Variants in ZEB1 observed in about 807,000 individuals in gnomAD.
The protein encoded by ZEB1 is zinc finger E-box binding homeobox 1, also known as zinc finger E-box-binding homeobox 1.
A neutral mutation model predicts 84.9 loss-of-function variants in ZEB1; 21 were observed. The observed-to-expected ratio is 0.25, with a 90% CI of 0.18 to 0.36. The LOEUF is 0.36. Among genes scored for constraint, ZEB1 ranks in the 10% least tolerant of loss-of-function variants. The probability of loss-of-function intolerance (pLI) is 1.00; values close to 1 mark genes in which losing one functional copy is unlikely to be tolerated. For missense variants in ZEB1, 1,104 were observed against 1,330.2 expected (o/e 0.83, Z 2.65); for synonymous variants, 420 against 471.1 (o/e 0.89, Z 1.41).
chr10:31,411,999 T>TA (rs1184991437), intron 1 of ZEB1, among the ~76,000 whole-genome samples: 1 of 152,190 alleles, frequency 6.6e-6, no homozygotes, highest in Non-Finnish European at 1.5e-5. Context: ...CAGAATTCAT[T>TA]ATGTTTAAAC....
chr10:31,476,081 G>C (rs2138227995), intron 2 of ZEB1, among the ~76,000 whole-genome samples: 1 of 152,028 alleles, frequency 6.6e-6, no homozygotes, highest in African/African-American at 2.4e-5. Flanking sequence ...TCAAAGTAAA[G>C]GGACTAGCAG....
At chr10:31,338,170 AT>A (rs1275425602) in intron 1 of ZEB1, among the ~76,000 whole-genome samples, 1 of 151,810 alleles carries the variant, frequency 6.6e-6, no homozygotes, top group Non-Finnish European at 1.5e-5. Context: ...ACCTTATTAT[AT>A]TTTTTTCTAA....
chr10:31,481,734 A>G (rs1315400489), intron 2 of ZEB1, among the ~76,000 whole-genome samples: 3 of 152,016 alleles, frequency 2.0e-5, no homozygotes, highest in Admixed American at 6.6e-5. Context: ...GGAGTTCCCA[A>G]TAGCCAATTC....
At chr10:31,478,881 C>T (rs1439862997) in intron 2 of ZEB1, among the ~76,000 whole-genome samples, 1 of 151,596 alleles carries the variant, frequency 6.6e-6, no homozygotes, top group Non-Finnish European at 1.5e-5. Context: ...AAGGGGAATT[C>T]GGATTTTTAT....
intron 5 of ZEB1, among the ~76,000 whole-genome samples, chr10:31,513,922 G>A (rs958031756): frequency 6.6e-6 from 1 of 152,076 alleles, no homozygotes; most frequent in Non-Finnish European, 1.5e-5. Context: ...AAGTTTATGA[G>A]GAGGAGTTGA....
intron 1 of ZEB1, among the ~76,000 whole-genome samples, chr10:31,458,060 C>G (rs980630282): frequency 6.6e-6 from 1 of 152,102 alleles, no homozygotes; most frequent in Non-Finnish European, 1.5e-5. Context: ...TGTCAGCTAT[C>G]TAGGCATGCA....
chr10:31,523,638 T>A (rs919622699), intron 7 of ZEB1, among the ~76,000 whole-genome samples: 1 of 152,236 alleles, frequency 6.6e-6, no homozygotes, highest in African/African-American at 2.4e-5. Context: ...CTATATATTT[T>A]ACATGCTTTC....
At chr10:31,347,429 T>G (rs2040503276) in intron 1 of ZEB1, among the ~76,000 whole-genome samples, 1 of 152,208 alleles carries the variant, frequency 6.6e-6, no homozygotes, top group Non-Finnish European at 1.5e-5. Flanking sequence ...CAGGCTGGCC[T>G]TGAACTCCTG....
intron 2 of ZEB1, among the ~76,000 whole-genome samples, chr10:31,474,364 G>T (rs1466752650): frequency 6.6e-6 from 1 of 151,496 alleles, no homozygotes; most frequent in African/African-American, 2.4e-5. Context: ...AAATTTACAA[G>T]AAAAAAACAA....
intron 1 of ZEB1, among the ~76,000 whole-genome samples, chr10:31,387,554 A>T (rs1035396072): frequency 1.3e-5 from 2 of 152,188 alleles, no homozygotes; most frequent in Non-Finnish European, 2.9e-5. Context: ...TAACTGCTGG[A>T]GTTAATCAAA....
upstream of ZEB1, chr10:31,319,082 C>T (rs2032906260): frequency 1.0e-5 from 7 of 678,596 alleles, no homozygotes; most frequent in Admixed American, 2.1e-5. Flanking sequence ...AGAGCGAGAG[C>T]CTCTAGGTGT....
At chr10:31,465,954 T>A (rs1020360483) in intron 2 of ZEB1, among the ~76,000 whole-genome samples, 2 of 152,098 alleles carry the variant, frequency 1.3e-5, no homozygotes, top group Admixed American at 1.3e-4. Flanking sequence ...TCCATGTAAG[T>A]GGAACCAAAA....
At chr10:31,432,429 A>T (rs1297664864) in intron 1 of ZEB1, among the ~76,000 whole-genome samples, 1 of 152,148 alleles carries the variant, frequency 6.6e-6, no homozygotes, top group Non-Finnish European at 1.5e-5. Context: ...TCTCTACAGA[A>T]AATTTAAAAA....
chr10:31,435,686 G>C (rs1456624943), intron 1 of ZEB1, among the ~76,000 whole-genome samples: 1 of 152,164 alleles, frequency 6.6e-6, no homozygotes, highest in African/African-American at 2.4e-5. Flanking sequence ...AACAAAAACA[G>C]GTCATTTAGC....
chr10:31,524,398 C>T (rs1018284603), intron 8 of ZEB1, among the ~76,000 whole-genome samples: 3 of 151,712 alleles, frequency 2.0e-5, no homozygotes, highest in Non-Finnish European at 2.9e-5. Context: ...TTGATATAGA[C>T]GGGTTTTGCC....
chr10:31,430,037 A>C (rs2057522238), intron 1 of ZEB1, among the ~76,000 whole-genome samples: 1 of 152,182 alleles, frequency 6.6e-6, no homozygotes, highest in South Asian at 2.1e-4. Context: ...CACCACGCCC[A>C]GCCATAGGCA....
chr10:31,321,657 TG>T, intron 1 of ZEB1: 1 of 1,359,988 alleles, frequency 7.4e-7, no homozygotes, highest in East Asian at 2.3e-5. Flanking sequence ...ACCCAGCGTC[TG>T]TGCAGCTGCT....
intron 1 of ZEB1, among the ~76,000 whole-genome samples, chr10:31,419,360 C>T (rs2055758936): frequency 6.6e-6 from 1 of 151,898 alleles, no homozygotes; most frequent in African/African-American, 2.4e-5. Context: ...TTAGGGATTT[C>T]GATTTTATCC....
At chr10:31,474,293 A>G (rs2063734424) in intron 2 of ZEB1, among the ~76,000 whole-genome samples, 1 of 151,656 alleles carries the variant, frequency 6.6e-6, no homozygotes, top group East Asian at 1.9e-4. Context: ...ATGGGAGAAA[A>G]TTTTTGCAAC....
Sources: allele counts gnomAD v4.1 joint callset (sites outside exome capture counted in the v4.1 genomes callset), GRCh38; gene constraint gnomAD v4.1.1; transcripts MANE v1.5; gene names NCBI Gene and HGNC (gene_info 2026-07-23, HGNC 2026-07-21).